TMC2: variants seen among roughly 807,000 people sequenced by gnomAD.
TMC2 encodes the protein transmembrane channel like 2, also known as transmembrane channel-like protein 2.
In TMC2, 102 loss-of-function variants were observed where a neutral mutation model predicts 105.9. The observed-to-expected ratio is 0.96, with a 90% CI of 0.82 to 1.14. The LOEUF (loss-of-function observed/expected upper bound fraction) is 1.14. Among genes scored for constraint, TMC2 ranks in the 50% most tolerant of loss-of-function variants. The pLI, the probability that TMC2 is intolerant of heterozygous loss-of-function variation, is 0.00. For missense variants in TMC2, 1,093 were observed against 1,134.3 expected, an observed-to-expected ratio of 0.96 and a Z score of 0.52; for synonymous variants, 402 against 422.8, an observed-to-expected ratio of 0.95 and a Z score of 0.60.
At chr20:2,589,270 CTGTGTG>C (rs750496572) in intron 7 of TMC2, among the ~76,000 whole-genome samples, 414 of 116,326 alleles carry the variant, frequency 3.6e-3, no homozygotes, top group African/African-American at 8.6e-3. Flanking sequence ...CCTATTTGCC[CTGTGTG>C]TGTGTGTGTG....
At chr20:2,615,938 C>A (rs1020933849) in intron 14 of TMC2, among the ~76,000 whole-genome samples, 199 bp from the exon 15 acceptor site, 3 of 152,102 alleles carry the variant, frequency 2.0e-5, no homozygotes, top group Admixed American at 1.3e-4. Flanking sequence ...TTGAGAATGT[C>A]AAATTTTTTG....
intron 14 of TMC2, chr20:2,613,571 C>T (rs1425383482): frequency 4.3e-6 from 2 of 463,382 alleles, no homozygotes; most frequent in African/African-American, 4.0e-5. Context: ...GGCATTTGGC[C>T]TAGGGGAAAG....
intron 8 of TMC2, among the ~76,000 whole-genome samples, chr20:2,594,373 A>G (rs1450289862): frequency 1.3e-5 from 2 of 151,826 alleles, no homozygotes; most frequent in African/African-American, 4.8e-5. Flanking sequence ...GATTACAGGC[A>G]CCTGCTATTA....
chr20:2,561,801 T>G, intron 3 of TMC2, 57 bp from the exon 4 acceptor site: 1 of 1,575,620 alleles, frequency 6.3e-7, no homozygotes, highest in Non-Finnish European at 8.6e-7. Context: ...CCACAGCACC[T>G]GAGGACACCA....
intron 7 of TMC2, among the ~76,000 whole-genome samples, chr20:2,581,773 T>G (rs2086191782): frequency 6.6e-6 from 1 of 152,240 alleles, no homozygotes; most frequent in Non-Finnish European, 1.5e-5. Context: ...GGACACTCGG[T>G]TGCTTTTTAA....
In TMC2 at chr20:2,635,673, T is replaced by C. The variant is rs959388247; in HGVS notation, c.2307-253T>C. Among the ~76,000 whole-genome samples, 7 of 152,208 alleles carry C rather than the reference T, an allele frequency of 4.6e-5. 1 individual carries two copies. The highest frequency in any genetic ancestry group is 4.6e-4 in the Admixed American group (7 of 15,282). The stretch of plus-strand genomic sequence containing the variant: ...CACCTCAGATTTCCCAGAAGAGGGA[T>C]GATTCCTCCAGCCAACCTTTACTGA... On this transcript the variant is annotated intron_variant, in intron 17 of 19. Transcript: ENST00000358864.
intron 2 of TMC2, among the ~76,000 whole-genome samples, chr20:2,543,062 C>T (rs1243565670): frequency 6.6e-6 from 1 of 151,836 alleles, no homozygotes; most frequent in Admixed American, 6.6e-5. Flanking sequence ...CATGGTGAAA[C>T]CCTGTCTCTA....
Position 2,558,886 on chromosome 20 carries a change from C to G in TMC2, c.401+112C>G, listed in dbSNP as rs762456920. ...CCCCCCTCCCCGGGGAGAGGCAGCCCGTGCCCTCGCTCTGGCTTCCGTGCC... is the reference window on the plus strand; with the variant it reads ...CCCCCCTCCCCGGGGAGAGGCAGCCGGTGCCCTCGCTCTGGCTTCCGTGCC... On this transcript the variant is annotated intron_variant, in intron 3 of 19. Coordinates refer to ENST00000358864, the MANE Select transcript of TMC2 (RefSeq NM_080751.3). This position sits in a 1 kb window ranked among gnomAD's most constrained non-coding sequence, Gnocchi z 4.6. The G allele has an allele frequency of 3.5e-6, 4 of 1,137,330 alleles. No homozygotes were observed. Among genetic ancestry groups the G allele is most frequent in the Middle Eastern group, 2.7e-4 (1 of 3,762 alleles). The allele number at this position is 1,137,330 out of a possible 1,614,324, so 70.5% of individuals were successfully genotyped here.
chr20:2,585,340 T>G (rs1340117999), intron 7 of TMC2, among the ~76,000 whole-genome samples: 2 of 152,246 alleles, frequency 1.3e-5, no homozygotes, highest in African/African-American at 4.8e-5. Context: ...TATCTTTATT[T>G]TTATATTACT....
intron 5 of TMC2, among the ~76,000 whole-genome samples, chr20:2,576,365 C>T (rs755393758): frequency 6.6e-6 from 1 of 152,190 alleles, no homozygotes; most frequent in African/African-American, 2.4e-5. Flanking sequence ...AGAGCATCTC[C>T]CAGGCCTCTC....
chr20:2,543,724 T>C (rs2085905781), intron 2 of TMC2, among the ~76,000 whole-genome samples: 1 of 152,176 alleles, frequency 6.6e-6, no homozygotes, highest in Non-Finnish European at 1.5e-5. Flanking sequence ...TGAGGGAAGA[T>C]GGTTTGAGTT....
chr20:2,624,237 C>T, intron 16 of TMC2, 34 bp from the exon 17 acceptor site: 2 of 1,604,246 alleles, frequency 1.2e-6, no homozygotes, highest in Non-Finnish European at 1.7e-6. Flanking sequence ...AGGCACATGG[C>T]AGCATGTTAT....
At chr20:2,586,996 AT>A (rs1489274772) in intron 7 of TMC2, among the ~76,000 whole-genome samples, 2 of 152,130 alleles carry the variant, frequency 1.3e-5, no homozygotes, top group Non-Finnish European at 2.9e-5. Context: ...TTTTAGTATA[AT>A]TTTATAGTGA....
At chr20:2,617,419 A>T in intron 16 of TMC2, 108 bp downstream of exon 16, 1 of 1,451,262 alleles carries the variant, frequency 6.9e-7, no homozygotes, top group South Asian at 1.3e-5. Flanking sequence ...GTAAAAGGCC[A>T]TGGAACTTTG....
intron 4 of TMC2, among the ~76,000 whole-genome samples, chr20:2,564,530 A>G (rs1415119367): frequency 5.9e-5 from 9 of 152,168 alleles, no homozygotes; most frequent in Non-Finnish European, 1.3e-4. Context: ...CAGAACAGCC[A>G]TCTGTCACTC....
rs148436001 is a variant in TMC2, at chr20:2,623,259, C to T, written c.2181-1012C>T. On this transcript the variant is annotated intron_variant, in intron 16 of 19. Coordinates refer to ENST00000358864, the MANE Select transcript of TMC2 (RefSeq NM_080751.3). ...AGCAGAAAGAGAATAATTGTCAGGCCGGGCACAGTGGTTCACGCCTGTAAT... is the reference window on the plus strand; with the variant it reads ...AGCAGAAAGAGAATAATTGTCAGGCTGGGCACAGTGGTTCACGCCTGTAAT... Among the ~76,000 whole-genome samples, 705 of 151,956 alleles carry T rather than the reference C, an allele frequency of 4.6e-3. 3 individuals carry two copies. The highest frequency in any genetic ancestry group is 7.4e-3 in the Non-Finnish European group (501 of 67,960).
At chr20:2,544,988 G>T (rs919244698) in intron 2 of TMC2, among the ~76,000 whole-genome samples, 1 of 150,054 alleles carries the variant, frequency 6.7e-6, no homozygotes, top group Non-Finnish European at 1.5e-5. Context: ...TTGAGGCCAG[G>T]AGTTCAAGAG....
At chr20:2,571,723 G>A (rs995259849) in intron 4 of TMC2, among the ~76,000 whole-genome samples, 6 of 152,266 alleles carry the variant, frequency 3.9e-5, no homozygotes, top group African/African-American at 1.2e-4. Context: ...AATCTTGGCC[G>A]GGCATGGTGG....
intron 19 of TMC2, among the ~76,000 whole-genome samples, chr20:2,638,933 T>G (rs908755072): frequency 1.3e-5 from 2 of 152,130 alleles, no homozygotes; most frequent in Admixed American, 1.3e-4. Flanking sequence ...TCTCACTCTG[T>G]CACCCAGGCT....
Sources: allele counts gnomAD v4.1 joint callset (sites outside exome capture counted in the v4.1 genomes callset), GRCh38; gene constraint gnomAD v4.1.1; non-coding constraint Gnocchi (gnomAD v3.1); transcripts MANE v1.5; gene names NCBI Gene and HGNC (gene_info 2026-07-23, HGNC 2026-07-21).